Variants in APOL4 observed in about 807,000 individuals in gnomAD.
APOL4 encodes the protein apolipoprotein L4, also known as apolipoprotein L, 4.
APOL4 carries 14 observed loss-of-function variants against 12.1 expected under a neutral mutation model. That is an observed-to-expected ratio of 1.16 (90% confidence interval 0.76 to 1.81). The LOEUF (loss-of-function observed/expected upper bound fraction) is 1.81, where lower values mean the gene tolerates loss of function less well. APOL4 is among the 40% of genes most tolerant of loss of function. APOL4 has a pLI of 0.00. For synonymous variants in APOL4, 171 were observed against 160.6 expected (o/e 1.06, Z -0.49); for missense variants, 432 against 423.1 (o/e 1.02, Z -0.18).
chr22:36,204,689 C>CGGTT, upstream of APOL4: 1 of 622,670 alleles, frequency 1.6e-6, no homozygotes, highest in South Asian at 2.5e-5. Flanking sequence ...GTGTGGATCT[C>CGGTT]ACCTCCAGCT....
chr22:36,202,149 C>T (rs2014602179), upstream of APOL4: 3 of 1,549,726 alleles, frequency 1.9e-6, no homozygotes, highest in Admixed American at 3.4e-5. Flanking sequence ...CTGTGTCACC[C>T]AGGCTGCAGG....
chr22:36,194,274 C>G (rs908283664), intron 3 of APOL4, among the ~76,000 whole-genome samples: 2 of 152,130 alleles, frequency 1.3e-5, no homozygotes, highest in African/African-American at 2.4e-5. Context: ...GTCGGGGAAA[C>G]AGTCACCCAT....
Position 36,191,923 on chromosome 22 carries a change from A to G in APOL4, c.210-11T>C. 6.4e-7 allele frequency: 1 copy of G among 1,567,338 alleles called. No individual in the cohort carries two copies. Among genetic ancestry groups the G allele is most frequent in the Non-Finnish European group, 8.6e-7 (1 of 1,162,352 alleles). On this transcript the variant is annotated splice_polypyrimidine_tract_variant and intron_variant, in intron 3 of 3. Transcript: ENST00000683024. ...GCATCTGCCTCTTCCCTGTACCAAT[A>G]AAGGACAGATGATTAAGAAAGGCAG...
At position 36,201,774 on chromosome 22, in the gene APOL4, G is replaced by T; in HGVS notation, c.-40C>A. 3.8e-6 allele frequency: 6 copies of T among 1,593,474 alleles called. No individual in the cohort carries two copies. The highest frequency in any genetic ancestry group is 5.1e-6 in the Non-Finnish European group (6 of 1,169,790). ...GTTGGCCTGGCTCAGACGCTGATCT[G>T]GGGCCTCTGCTGAATGTTGAGGCTG... On this transcript the variant is annotated 5_prime_UTR_variant, in exon 1 of 4. Transcript: ENST00000683024.
At chr22:36,199,992 A>G (rs1429974626) in intron 1 of APOL4, among the ~76,000 whole-genome samples, 1 of 151,964 alleles carries the variant, frequency 6.6e-6, no homozygotes, top group Non-Finnish European at 1.5e-5. Context: ...TATTTTCAGT[A>G]GAGAAGGGGT....
At chr22:36,198,250 G>A (rs1163604870) in intron 2 of APOL4, among the ~76,000 whole-genome samples, 1 of 152,146 alleles carries the variant, frequency 6.6e-6, no homozygotes, top group African/African-American at 2.4e-5. Context: ...TGCATTCAGA[G>A]ACCTCCCTAA....
At chr22:36,199,832 G>T (rs1028211341) in intron 1 of APOL4, among the ~76,000 whole-genome samples, 1 of 150,522 alleles carries the variant, frequency 6.6e-6, no homozygotes, top group Non-Finnish European at 1.5e-5. Flanking sequence ...TTTTTGAGAC[G>T]GAGTCTCGCT....
At chr22:36,193,952 C>G (rs566783615) in intron 3 of APOL4, among the ~76,000 whole-genome samples, 1 of 152,346 alleles carries the variant, frequency 6.6e-6, no homozygotes, top group East Asian at 1.9e-4. Context: ...TAGCAGGTGA[C>G]AGCTTCATGT....
upstream of APOL4, among the ~76,000 whole-genome samples, chr22:36,202,624 G>A (rs2014616700): frequency 6.6e-6 from 1 of 152,082 alleles, no homozygotes; most frequent in African/African-American, 2.4e-5. Context: ...TACTCGGGAG[G>A]CTGAGGCAGG....
Position 36,191,383 on chromosome 22 carries a change from G to C in APOL4, c.739C>G (p.Leu247Val), listed in dbSNP as rs909535129. 1 of 1,613,964 alleles carries C rather than the reference G, an allele frequency of 6.2e-7. No homozygotes were observed. Among genetic ancestry groups the C allele is most frequent in the Non-Finnish European group, 8.5e-7 (1 of 1,179,918 alleles). Residue 247 changes from leucine to valine, a missense_variant, in exon 4 of 4, where the codon CTC becomes GTC. Transcript: ENST00000683024. ...TKMIANDVHT[L>V]RRSKATVGRP... ...CCAACAGTGGCTTTAGATCTCCTGA[G>C]TGTATGGACATCATTCGCAATCATT...
chr22:36,195,484 C>T (rs1328926809), intron 2 of APOL4, 47 bp from the exon 3 acceptor site: 2 of 1,595,504 alleles, frequency 1.3e-6, no homozygotes, highest in East Asian at 2.2e-5. Context: ...TTTGCTACCA[C>T]ATAAATGGCA....
rs202197928 is a variant in APOL4 at position 36,191,570 on chromosome 22, G to A, written c.552C>T (p.Ile184=). 1.7e-4 allele frequency: 271 copies of A among 1,613,636 alleles called. No individual in the cohort carries two copies. Among genetic ancestry groups the A allele is most frequent in the South Asian group, 3.4e-4 (31 of 91,008 alleles). Residue 184 remains isoleucine, a synonymous_variant, in exon 4 of 4, where the codon ATC becomes ATT. Transcript: ENST00000683024. ...ATGTGTTCTCCACGATGCTGGAGGC[G>A]ATCCCAGCCGTGGCAGATGCTATTC... is the stretch of plus-strand genomic sequence containing the variant. ...GLGIASATAG[I]ASSIVENTYT...
chr22:36,199,705 A>G (rs2014513106), intron 1 of APOL4: 1 of 1,486,162 alleles, frequency 6.7e-7, no homozygotes, highest in Admixed American at 2.0e-5. Context: ...GATGGGAAGG[A>G]ACGTTCTAAC....
intron 3 of APOL4, among the ~76,000 whole-genome samples, chr22:36,193,738 T>TTC (rs1262671501): frequency 6.6e-6 from 1 of 152,218 alleles, no homozygotes; most frequent in Non-Finnish European, 1.5e-5. Flanking sequence ...GCCTGGCATG[T>TTC]TCTCTCTTCC....
At chr22:36,197,529 A>C in intron 2 of APOL4, 1 of 1,373,444 alleles carries the variant, frequency 7.3e-7, no homozygotes, top group Non-Finnish European at 9.5e-7. Flanking sequence ...TAAAAACCAG[A>C]CCTGAAACAT....
rs529009240 is a variant in APOL4 at position 36,199,620 on chromosome 22, T to C, written c.36-244A>G. ...AAAGTCCGCTTGTCCTGTTGGAGAA[T>C]GAGGAGAAGATAATCAGAGGAGGGG... On this transcript the variant is annotated intron_variant, in intron 1 of 3. Transcript: ENST00000683024. The C allele has an allele frequency of 2.9e-4, 446 of 1,552,500 alleles. 2 individuals are homozygous for C. The African/African-American group carries it at 4.6e-3, about 16-fold the overall frequency.
At chr22:36,203,791 C>T (rs2014654315), upstream of APOL4, among the ~76,000 whole-genome samples, 1 of 152,228 alleles carries the variant, frequency 6.6e-6, no homozygotes, top group Admixed American at 6.5e-5. Context: ...AAGCACATCA[C>T]GTGCTGTTGG....
At chr22:36,199,659 A>G (rs771197423) in intron 1 of APOL4, 81 of 1,550,938 alleles carry the variant, frequency 5.2e-5, no homozygotes, top group Non-Finnish European at 6.7e-5. Context: ...CCATCTGATC[A>G]TTACAGAAAC....
At chr22:36,195,053 T>G in intron 3 of APOL4, 1 of 370,378 alleles carries the variant, frequency 2.7e-6, no homozygotes, top group Non-Finnish European at 4.9e-6. Context: ...AGTAGTCAAG[T>G]AGCTTGCAAA....
Sources: allele counts gnomAD v4.1 joint callset (sites outside exome capture counted in the v4.1 genomes callset), GRCh38; gene constraint gnomAD v4.1.1; transcripts MANE v1.5; gene names NCBI Gene and HGNC (gene_info 2026-07-23, HGNC 2026-07-21).